The following SLC35F3 variants were observed in gnomAD, a reference collection of about 807,000 sequenced individuals.
SLC35F3 encodes the protein solute carrier family 35 member F3.
A neutral mutation model predicts 49.9 loss-of-function variants in SLC35F3; 25 were observed. That is an observed-to-expected ratio of 0.50 (90% CI 0.37 to 0.70). The LOEUF (loss-of-function observed/expected upper bound fraction) is 0.70. SLC35F3 is among the 30% of genes least tolerant of loss of function. The pLI is 0.00. For missense variants in SLC35F3, 525 were observed against 639.8 expected, an observed-to-expected ratio of 0.82 and a Z score of 1.94; for synonymous variants, 275 against 265.4, an observed-to-expected ratio of 1.04 and a Z score of -0.35.
At chr1:233,936,346 GGA>G (rs1662327229) in intron 2 of SLC35F3, among the ~76,000 whole-genome samples, 1 of 152,158 alleles carries the variant, frequency 6.6e-6, no homozygotes, top group Non-Finnish European at 1.5e-5. Context: ...AACTTTTACT[GGA>G]TAAGTTTTTC....
chr1:234,170,261 C>A (rs1666380155), intron 2 of SLC35F3, among the ~76,000 whole-genome samples: 1 of 152,178 alleles, frequency 6.6e-6, no homozygotes, highest in Admixed American at 6.5e-5. Context: ...GATGGCCTGA[C>A]CCCATTATAG....
chr1:234,311,204 G>A (rs1657346082), intron 4 of SLC35F3, among the ~76,000 whole-genome samples: 1 of 152,190 alleles, frequency 6.6e-6, no homozygotes, highest in Admixed American at 6.5e-5. Context: ...AGGTTGTGTT[G>A]GAACTCCCTC....
intron 2 of SLC35F3, among the ~76,000 whole-genome samples, chr1:234,161,995 C>G (rs1428886385): frequency 6.6e-6 from 1 of 152,072 alleles, no homozygotes; most frequent in East Asian, 1.9e-4. Flanking sequence ...AAGCACAGGT[C>G]CCTTGGGCCA....
rs4027096 is a variant in SLC35F3, at chr1:234,105,125, TA to T, written c.284-126274del. ...CCTGGGCGACAATGTGAGACTCCGT[TA>T]AAAAAAAAAAAAAAAAACCTTTGGG... On this transcript the variant is annotated intron_variant, in intron 2 of 7. Transcript: ENST00000366618. Among the ~76,000 whole-genome samples the T allele has an allele frequency of 9.3e-3, 1,211 of 130,326 alleles. 5 individuals carry two copies. The highest frequency in any genetic ancestry group is 0.02 in the African/African-American group (692 of 34,830). 85.5% of individuals were successfully genotyped at this position (130,326 alleles called of 152,430 possible).
intron 3 of SLC35F3, among the ~76,000 whole-genome samples, chr1:234,242,293 C>T (rs896653881): frequency 6.6e-6 from 1 of 152,174 alleles, no homozygotes; most frequent in African/African-American, 2.4e-5. Context: ...CCCTTCCACC[C>T]GCTTCCCAGC....
chr1:234,234,999 T>C (rs1190371272), intron 3 of SLC35F3, among the ~76,000 whole-genome samples: 3 of 152,114 alleles, frequency 2.0e-5, no homozygotes, highest in Non-Finnish European at 1.5e-5. Flanking sequence ...GGTGGCCAAT[T>C]TAAACTACGA....
intron 2 of SLC35F3, among the ~76,000 whole-genome samples, chr1:234,146,660 A>G (rs1238375137): frequency 4.0e-5 from 6 of 151,536 alleles, no homozygotes; most frequent in Non-Finnish European, 7.4e-5. Context: ...GATTACAGGC[A>G]TGTGCCACCA....
intron 2 of SLC35F3, among the ~76,000 whole-genome samples, chr1:233,978,167 G>GA (rs936662175): frequency 9.9e-5 from 15 of 150,766 alleles, no homozygotes; most frequent in East Asian, 1.9e-4. Context: ...TCTGAAGAAG[G>GA]AAAAAAAAAG....
intron 3 of SLC35F3, among the ~76,000 whole-genome samples, chr1:234,264,505 A>C (rs189451347): frequency 6.6e-6 from 1 of 152,346 alleles, no homozygotes; most frequent in East Asian, 1.9e-4. Context: ...TGCCAAATCC[A>C]GTGACCATTC....
chr1:234,019,061 C>T (rs1199759763), intron 2 of SLC35F3, among the ~76,000 whole-genome samples: 1 of 152,210 alleles, frequency 6.6e-6, no homozygotes, highest in Non-Finnish European at 1.5e-5. Flanking sequence ...TGACTTGGCC[C>T]AGAGGATGTG....
At chr1:234,062,223 C>G (rs1664552267) in intron 2 of SLC35F3, among the ~76,000 whole-genome samples, 1 of 152,164 alleles carries the variant, frequency 6.6e-6, no homozygotes, top group African/African-American at 2.4e-5. Context: ...CGTTATAGCT[C>G]CATTGCCTGA....
chr1:233,931,085 A>G (rs1206474171), intron 2 of SLC35F3, among the ~76,000 whole-genome samples: 1 of 152,222 alleles, frequency 6.6e-6, no homozygotes, highest in East Asian at 1.9e-4. Context: ...GGCTAGCCAT[A>G]TGCAGAAACT....
chr1:234,086,089 C>G (rs993996105), intron 2 of SLC35F3, among the ~76,000 whole-genome samples: 1 of 152,158 alleles, frequency 6.6e-6, no homozygotes, highest in Admixed American at 6.5e-5. Context: ...TAACACAGTG[C>G]CTGATAAAAT....
At chr1:234,087,245 C>T (rs993581514) in intron 2 of SLC35F3, among the ~76,000 whole-genome samples, 1 of 152,218 alleles carries the variant, frequency 6.6e-6, no homozygotes, top group African/African-American at 2.4e-5. Flanking sequence ...CATTCTTGCC[C>T]ACCTTTAGAA....
At chr1:234,097,657 C>T (rs1246102090) in intron 2 of SLC35F3, among the ~76,000 whole-genome samples, 1 of 152,090 alleles carries the variant, frequency 6.6e-6, no homozygotes, top group African/African-American at 2.4e-5. Context: ...AAGATAATGG[C>T]TGTGGGAATT....
intron 2 of SLC35F3, among the ~76,000 whole-genome samples, chr1:233,999,627 G>T (rs550035012): frequency 1.3e-5 from 2 of 151,738 alleles, no homozygotes; most frequent in Admixed American, 6.6e-5. Flanking sequence ...TATCCCTTCC[G>T]GCCCTGCTCT....
intron 2 of SLC35F3, among the ~76,000 whole-genome samples, chr1:234,168,865 G>A (rs533381506): frequency 6.6e-6 from 1 of 152,314 alleles, no homozygotes; most frequent in African/African-American, 2.4e-5. Context: ...AGCTGGGGGA[G>A]TCACACTCCA....
chr1:234,183,735 GTGACTA>G (rs980591894), intron 2 of SLC35F3, among the ~76,000 whole-genome samples: 6 of 142,842 alleles, frequency 4.2e-5, no homozygotes, highest in African/African-American at 1.5e-4. Context: ...TTTAATAATG[GTGACTA>G]TGACCCTGTA....
At position 234,267,165 on chromosome 1, in the gene SLC35F3, A is replaced by G. The variant is rs369488711; in HGVS notation, c.608+35424A>G. On this transcript the variant is annotated intron_variant, in intron 3 of 7. Coordinates refer to ENST00000366618, the MANE Select transcript of SLC35F3 (RefSeq NM_173508.4). ...ATCCATTTAACCCTGAGTGGACACA[A>G]CACATGTTTCAGAGAGCACAGGGTT... Among the ~76,000 whole-genome samples, 371 of 135,782 alleles carry G rather than the reference A, an allele frequency of 2.7e-3. 10 individuals carry two copies. The East Asian group carries it at 0.046, about 17-fold the overall frequency. The allele number at this position is 135,782 out of a possible 152,430, so 89.1% of individuals were successfully genotyped here.
Sources: allele counts gnomAD v4.1 joint callset (sites outside exome capture counted in the v4.1 genomes callset), GRCh38; gene constraint gnomAD v4.1.1; transcripts MANE v1.5; gene names NCBI Gene and HGNC (gene_info 2026-07-23, HGNC 2026-07-21).